The following SOX5 variants were observed in gnomAD, a reference collection of about 807,000 sequenced individuals.
SOX5 encodes SRY-box transcription factor 5.
In SOX5, 9 loss-of-function variants were observed where a neutral mutation model predicts 92.0. The ratio of observed to expected loss-of-function variants is 0.10; its 90% CI spans 0.06 to 0.17. SOX5 has a LOEUF of 0.17. Among genes scored for constraint, SOX5 ranks in the 10% least tolerant of loss-of-function variants. The probability of loss-of-function intolerance (pLI) is 1.00; values close to 1 mark genes in which losing one functional copy is unlikely to be tolerated. For missense variants in SOX5, 642 were observed against 944.5 expected, an observed-to-expected ratio of 0.68 and a Z score of 4.20; for synonymous variants, 344 against 336.3, an observed-to-expected ratio of 1.02 and a Z score of -0.25.
At chr12:24,357,019 G>A (rs1282595472) in intron 2 of SOX5, among the ~76,000 whole-genome samples, 1 of 152,198 alleles carries the variant, frequency 6.6e-6, no homozygotes. Context: ...ATGAATAATA[G>A]ATGCTTCTTT....
intron 6 of SOX5, among the ~76,000 whole-genome samples, chr12:23,680,098 G>T (rs910015920): frequency 6.6e-6 from 1 of 151,784 alleles, no homozygotes; most frequent in Non-Finnish European, 1.5e-5. Flanking sequence ...GGCTGAGGTG[G>T]GCACATCGCT....
At chr12:23,573,471 T>C (rs1206036177) in intron 10 of SOX5, among the ~76,000 whole-genome samples, 3 of 152,190 alleles carry the variant, frequency 2.0e-5, no homozygotes, top group Non-Finnish European at 2.9e-5. Context: ...TTTTTGAAAC[T>C]TCGTTTTCCT....
Position 23,979,540 on chromosome 12 carries a change from T to G in SOX5, c.-1-83516A>C, listed in dbSNP as rs192523458. 1.3e-4 allele frequency among the ~76,000 whole-genome samples: 19 copies of G among 151,832 alleles called. No individual in the cohort carries two copies. The East Asian group carries it at 3.3e-3, about 26-fold the overall frequency. On this transcript the variant is annotated intron_variant, in intron 4 of 4. Coordinates refer to the SOX5 transcript ENST00000446891. ...CACCTGGCCCCAATACTTGTAATATTATTTAACTGTAGAACTGAGTAATTT... is the reference window on the plus strand; with the variant it reads ...CACCTGGCCCCAATACTTGTAATATGATTTAACTGTAGAACTGAGTAATTT...
intron 4 of SOX5, among the ~76,000 whole-genome samples, chr12:24,017,249 C>T (rs957222880): frequency 1.4e-4 from 21 of 152,288 alleles, no homozygotes; most frequent in African/African-American, 3.6e-4. Context: ...TGACTTAACC[C>T]GACAACCTGC....
intron 1 of SOX5, among the ~76,000 whole-genome samples, chr12:23,913,340 T>C (rs2097372544): frequency 6.6e-6 from 1 of 152,190 alleles, no homozygotes; most frequent in Admixed American, 6.5e-5. Flanking sequence ...TACATGTTTT[T>C]TCTTTTCTTT....
chr12:23,563,186 A>G (rs1443276602), intron 11 of SOX5, 72 bp downstream of exon 11: 42 of 1,233,752 alleles, frequency 3.4e-5, no homozygotes, highest in South Asian at 8.3e-5. Flanking sequence ...AGATGGAAAT[A>G]TATTTTTTTT....
intron 1 of SOX5, among the ~76,000 whole-genome samples, chr12:23,920,972 C>A (rs1002273102): frequency 6.6e-6 from 1 of 152,078 alleles, no homozygotes; most frequent in Non-Finnish European, 1.5e-5. Flanking sequence ...AGACAGAGAT[C>A]ATGTATATTT....
At chr12:24,088,058 A>G (rs919743651) in intron 4 of SOX5, among the ~76,000 whole-genome samples, 2 of 152,202 alleles carry the variant, frequency 1.3e-5, no homozygotes, top group African/African-American at 4.8e-5. Flanking sequence ...GAAAGCTACA[A>G]GCAATGGGTA....
At chr12:23,795,282 T>TG (rs1043305349) in intron 3 of SOX5, among the ~76,000 whole-genome samples, 3 of 151,938 alleles carry the variant, frequency 2.0e-5, no homozygotes, top group Non-Finnish European at 2.9e-5. Context: ...TTTTTTTTTT[T>TG]GATGGATGGA....
At chr12:23,807,586 C>T (rs930629033) in intron 3 of SOX5, among the ~76,000 whole-genome samples, 1 of 151,822 alleles carries the variant, frequency 6.6e-6, no homozygotes, top group East Asian at 1.9e-4. Context: ...CATGGCTCTG[C>T]TGACAACTTG....
chr12:23,611,379 T>C (rs919105826), intron 8 of SOX5, among the ~76,000 whole-genome samples: 3 of 140,752 alleles, frequency 2.1e-5, no homozygotes, highest in African/African-American at 7.8e-5. Flanking sequence ...CGTGTGTGTG[T>C]GTGTGTGTGT....
intron 4 of SOX5, among the ~76,000 whole-genome samples, chr12:24,116,194 T>C (rs1947978334): frequency 6.6e-6 from 1 of 152,164 alleles, no homozygotes; most frequent in South Asian, 2.1e-4. Context: ...GAACTGTGTG[T>C]ATAACAATAG....
intron 4 of SOX5, among the ~76,000 whole-genome samples, chr12:24,032,640 T>C (rs1004866362): frequency 2.0e-5 from 3 of 151,846 alleles, no homozygotes; most frequent in East Asian, 1.9e-4. Context: ...ACTTATGCAT[T>C]CATTCATTCA....
At chr12:24,451,020 C>T (rs767142008) in intron 1 of SOX5, among the ~76,000 whole-genome samples, 17 of 152,078 alleles carry the variant, frequency 1.1e-4, no homozygotes, top group Non-Finnish European at 1.5e-4. Flanking sequence ...ATTTTTAGCC[C>T]CCACAAATAA....
At chr12:24,453,810 C>T (rs1009943486) in intron 1 of SOX5, among the ~76,000 whole-genome samples, 2 of 152,170 alleles carry the variant, frequency 1.3e-5, no homozygotes, top group African/African-American at 4.8e-5. Flanking sequence ...CTTTTGCTTG[C>T]AGTACCAAGG....
At chr12:23,980,649 CAGAA>C (rs1949487667) in intron 4 of SOX5, among the ~76,000 whole-genome samples, 1 of 152,152 alleles carries the variant, frequency 6.6e-6, no homozygotes, top group Admixed American at 6.5e-5. Context: ...GCATTTCAGA[CAGAA>C]AGAGAGGGGA....
chr12:23,833,325 G>C (rs774256210), intron 3 of SOX5, among the ~76,000 whole-genome samples: 1 of 151,650 alleles, frequency 6.6e-6, no homozygotes, highest in Non-Finnish European at 1.5e-5. Context: ...GCCCCAATCT[G>C]GAGCCCATCA....
At chr12:23,951,454 T>C (rs1945621543), upstream of SOX5, among the ~76,000 whole-genome samples, 3 of 152,058 alleles carry the variant, frequency 2.0e-5, no homozygotes, top group South Asian at 6.2e-4. Flanking sequence ...CTTTTTTTTC[T>C]GGAGACAGGC....
intron 4 of SOX5, among the ~76,000 whole-genome samples, chr12:23,967,765 C>A (rs1442374227): frequency 6.6e-6 from 1 of 152,092 alleles, no homozygotes; most frequent in Non-Finnish European, 1.5e-5. Flanking sequence ...AATTATTATT[C>A]AGGATAAACA....
Sources: gnomAD v4.1 joint callset for allele counts (sites outside exome capture counted in the v4.1 genomes callset) on GRCh38, gnomAD v4.1.1 for gene constraint, MANE v1.5 for transcripts, NCBI Gene and HGNC (gene_info 2026-07-23, HGNC 2026-07-21) for gene names.